CFAP61: variants seen among roughly 807,000 people sequenced by gnomAD.
CFAP61 encodes the protein cilia- and flagella-associated protein 61.
CFAP61 carries 107 observed loss-of-function variants against 135.6 expected under a neutral mutation model. That is an observed-to-expected ratio of 0.79 (90% CI 0.67 to 0.93). The LOEUF is 0.93. Among genes scored for constraint, CFAP61 ranks in the 40% least tolerant of loss-of-function variants. The pLI is 0.00. For synonymous variants in CFAP61, 575 were observed against 578.5 expected, an observed-to-expected ratio of 0.99 and a Z score of 0.09; for missense variants, 1,507 against 1,556.2, an observed-to-expected ratio of 0.97 and a Z score of 0.53.
chr20:20,269,618 C>T (rs1292148055), intron 21 of CFAP61, among the ~76,000 whole-genome samples: 1 of 152,126 alleles, frequency 6.6e-6, no homozygotes, highest in Non-Finnish European at 1.5e-5. Context: ...GTGATCCTCC[C>T]GCCTTCGCCT....
chr20:20,077,493 T>A (rs930902975), intron 6 of CFAP61, among the ~76,000 whole-genome samples: 2 of 152,172 alleles, frequency 1.3e-5, no homozygotes, highest in African/African-American at 4.8e-5. Flanking sequence ...AGAGTCAGAC[T>A]CTGTAAAATG....
chr20:20,251,870 C>T (rs1182900338), intron 20 of CFAP61, 107 bp downstream of exon 20: 12 of 1,156,492 alleles, frequency 1.0e-5, no homozygotes, highest in Non-Finnish European at 1.4e-5. Context: ...CATCCCTCTG[C>T]CTGGACAGCT....
chr20:20,067,643 A>AT (rs2045370673), intron 2 of CFAP61, among the ~76,000 whole-genome samples: 1 of 108,608 alleles, frequency 9.2e-6, no homozygotes. Context: ...CTCCATCTCA[A>AT]AATATATATA....
rs41309359 is a variant in CFAP61, at chr20:20,091,046, C to T, written c.699+70C>T. The T allele has an allele frequency of 6.0e-3, 9,296 of 1,546,528 alleles. 84 individuals are homozygous for T. Among genetic ancestry groups the T allele is most frequent in the Middle Eastern group, 0.04 (234 of 5,850 alleles). ...AGGGATGTGAGTGGTGTTGCTCTTG[C>T]GTTGCTGGGCACCCCTGGAGCTGCC... On this transcript the variant is annotated intron_variant, in intron 7 of 26. Transcript: ENST00000245957.
At chr20:20,329,525 A>G (rs919941771) in intron 25 of CFAP61, among the ~76,000 whole-genome samples, 3 of 152,196 alleles carry the variant, frequency 2.0e-5, no homozygotes, top group Non-Finnish European at 2.9e-5. Flanking sequence ...GCTTCCGGCC[A>G]TACCCTGTCC....
Position 20,071,020 on chromosome 20 carries a change from C to T in CFAP61, c.294+16C>T, listed in dbSNP as rs114511279. 6.2e-6 allele frequency: 10 copies of T among 1,611,192 alleles called. No homozygotes were observed. Among genetic ancestry groups the T allele is most frequent in the Non-Finnish European group, 7.6e-6 (9 of 1,178,608 alleles). ...CCCATGCACAGTAAGAAATCACATA[C>T]AGTGCTTGTTAGAACACCCTGAATC... On this transcript the variant is annotated intron_variant, in intron 3 of 26. Coordinates refer to ENST00000245957, the MANE Select transcript of CFAP61 (RefSeq NM_015585.4).
chr20:20,253,412 A>G, intron 20 of CFAP61: 1 of 259,652 alleles, frequency 3.9e-6, no homozygotes. Flanking sequence ...AATAAGGCTC[A>G]TCTCACTGTG....
chr20:20,218,059 A>G (rs1424351728), intron 17 of CFAP61, among the ~76,000 whole-genome samples: 1 of 152,090 alleles, frequency 6.6e-6, no homozygotes, highest in Admixed American at 6.5e-5. Context: ...ACTTTCTCCA[A>G]GCTGCCTTAT....
chr20:20,065,310 T>C (rs1170066112), intron 2 of CFAP61, among the ~76,000 whole-genome samples: 2 of 152,042 alleles, frequency 1.3e-5, no homozygotes, highest in Non-Finnish European at 2.9e-5. Flanking sequence ...GATCTTCACC[T>C]GCATTCAATC....
intron 17 of CFAP61, chr20:20,214,203 TTG>T (rs1949475225): frequency 2.0e-5 from 3 of 152,200 alleles, no homozygotes; most frequent in Admixed American, 2.0e-4. Flanking sequence ...CTCGGTGCTT[TTG>T]TTTTGATATC....
intron 17 of CFAP61, among the ~76,000 whole-genome samples, chr20:20,219,331 A>AT (rs551793390): frequency 4.6e-5 from 7 of 151,906 alleles, no homozygotes; most frequent in Admixed American, 2.0e-4. Context: ...TTATCCCAAA[A>AT]TTTTTTTTCC....
intron 21 of CFAP61, among the ~76,000 whole-genome samples, chr20:20,270,487 A>C (rs1008689514): frequency 6.6e-6 from 1 of 152,192 alleles, no homozygotes; most frequent in Admixed American, 6.5e-5. Flanking sequence ...TTAGCACTTT[A>C]TTTTACTTCT....
chr20:20,272,080 A>G (rs2053401850), intron 21 of CFAP61, among the ~76,000 whole-genome samples: 2 of 152,248 alleles, frequency 1.3e-5, no homozygotes, highest in Admixed American at 1.3e-4. Context: ...CATACTATAT[A>G]TCCAGAAAAT....
chr20:20,315,705 A>G (rs2057089160), intron 25 of CFAP61, among the ~76,000 whole-genome samples: 1 of 152,114 alleles, frequency 6.6e-6, no homozygotes, highest in South Asian at 2.1e-4. Flanking sequence ...ATCTTGAATT[A>G]ATGTTTGTAT....
At chr20:20,173,121 G>T (rs757432989) in intron 13 of CFAP61, among the ~76,000 whole-genome samples, 1 of 151,776 alleles carries the variant, frequency 6.6e-6, no homozygotes, top group Non-Finnish European at 1.5e-5. Context: ...TTTCTTTGTA[G>T]CCCTGGATAA....
At chr20:20,161,367 A>T (rs541095097) in intron 10 of CFAP61, among the ~76,000 whole-genome samples, 8 of 152,210 alleles carry the variant, frequency 5.3e-5, no homozygotes, top group Non-Finnish European at 1.2e-4. Flanking sequence ...TCCCTACCGG[A>T]GAAAAACACT....
chr20:20,285,376 A>G (rs762603240), intron 22 of CFAP61, among the ~76,000 whole-genome samples: 4 of 151,560 alleles, frequency 2.6e-5, no homozygotes, highest in Non-Finnish European at 5.9e-5. Context: ...GTTATTGGCC[A>G]TTCTTTCTTA....
intron 18 of CFAP61, among the ~76,000 whole-genome samples, chr20:20,230,802 C>T (rs1422622368): frequency 2.6e-5 from 4 of 152,118 alleles, no homozygotes; most frequent in Non-Finnish European, 5.9e-5. Context: ...GTGACCTGCC[C>T]GCCTTGGCCT....
chr20:20,270,289 T>C (rs917666276), intron 21 of CFAP61, among the ~76,000 whole-genome samples: 5 of 152,072 alleles, frequency 3.3e-5, no homozygotes, highest in African/African-American at 1.2e-4. Flanking sequence ...GTCCCGATTC[T>C]CTCCATGGAG....
Sources: allele counts gnomAD v4.1 joint callset (sites outside exome capture counted in the v4.1 genomes callset), GRCh38; gene constraint gnomAD v4.1.1; transcripts MANE v1.5; gene names NCBI Gene and HGNC (gene_info 2026-07-23, HGNC 2026-07-21).